PTK2: variants seen among roughly 807,000 people sequenced by gnomAD.
The protein encoded by PTK2 is protein tyrosine kinase 2.
A neutral mutation model predicts 150.1 loss-of-function variants in PTK2; 45 were observed. The observed-to-expected ratio is 0.30, with a 90% confidence interval of 0.24 to 0.38. The LOEUF is 0.38. PTK2 is among the 10% of genes least tolerant of loss of function. The pLI, the probability that PTK2 is intolerant of heterozygous loss-of-function variation, is 1.00. For synonymous variants in PTK2, 432 were observed against 449.2 expected (o/e 0.96, Z 0.48); for missense variants, 919 against 1,307.3 (o/e 0.70, Z 4.58).
At chr8:140,958,027 CTAA>C (rs1461414503) in intron 1 of PTK2, among the ~76,000 whole-genome samples, 43 of 152,224 alleles carry the variant, frequency 2.8e-4, no homozygotes, top group Non-Finnish European at 6.3e-4. Context: ...GTCCATCCTG[CTAA>C]TGAGTTAACT....
chr8:140,679,023 T>TG (rs2100015583), intron 27 of PTK2, among the ~76,000 whole-genome samples: 1 of 59,034 alleles, frequency 1.7e-5, no homozygotes, highest in African/African-American at 5.9e-5. Context: ...TTTTTTTTTT[T>TG]TTTTTTTTTT....
chr8:140,807,969 T>C (rs180901066), intron 10 of PTK2, among the ~76,000 whole-genome samples: 1 of 152,096 alleles, frequency 6.6e-6, no homozygotes, highest in East Asian at 1.9e-4. Context: ...GGTAGTGTAA[T>C]GGTAGTAGGC....
At chr8:140,792,160 T>C (rs2100088876) in intron 13 of PTK2, among the ~76,000 whole-genome samples, 1 of 152,216 alleles carries the variant, frequency 6.6e-6, no homozygotes, top group Non-Finnish European at 1.5e-5. Flanking sequence ...TTCGCAGAGT[T>C]GCCACCATCC....
At chr8:140,990,105 A>G (rs1480415071) in intron 1 of PTK2, among the ~76,000 whole-genome samples, 1 of 152,184 alleles carries the variant, frequency 6.6e-6, no homozygotes, top group African/African-American at 2.4e-5. Flanking sequence ...GACAAGTAAC[A>G]GAAGAATCAC....
chr8:140,927,975 A>AAAAAAAAATATAT, intron 1 of PTK2, among the ~76,000 whole-genome samples: 3 of 48,190 alleles, frequency 6.2e-5, no homozygotes, highest in African/African-American at 9.8e-5. Context: ...AAAAAAAAAA[A>AAAAAAAAATATAT]ATATATATAT....
chr8:140,759,084 C>T (rs535957076), intron 16 of PTK2, among the ~76,000 whole-genome samples: 20 of 152,246 alleles, frequency 1.3e-4, no homozygotes, highest in South Asian at 6.2e-4. Flanking sequence ...TACCGTGTAA[C>T]GTTTGCACGA....
At chr8:140,666,792 GGGTCTCAAAAA>G (rs1487111825) in intron 30 of PTK2, among the ~76,000 whole-genome samples, 3 of 152,172 alleles carry the variant, frequency 2.0e-5, no homozygotes, top group African/African-American at 4.8e-5. Context: ...AGTGAAAGCA[GGGTCTCAAAAA>G]GATATTTGTA....
At chr8:140,819,742 G>A (rs183911052) in intron 8 of PTK2, among the ~76,000 whole-genome samples, 1 of 152,340 alleles carries the variant, frequency 6.6e-6, no homozygotes, top group Admixed American at 6.5e-5. Flanking sequence ...TGAGCACACA[G>A]CAATGTACCC....
intron 1 of PTK2, among the ~76,000 whole-genome samples, chr8:140,945,659 T>A (rs2100177449): frequency 6.6e-6 from 1 of 152,144 alleles, no homozygotes; most frequent in Admixed American, 6.5e-5. Flanking sequence ...CCATTTAAAC[T>A]TTTTTAAAGC....
At chr8:140,878,913 G>A (rs971175127) in intron 4 of PTK2, among the ~76,000 whole-genome samples, 5 of 151,084 alleles carry the variant, frequency 3.3e-5, no homozygotes, top group African/African-American at 1.2e-4. Context: ...CTTTTAATTT[G>A]CCCTGAAATA....
At chr8:140,755,654 C>A (rs2100065238) in intron 16 of PTK2, among the ~76,000 whole-genome samples, 1 of 152,126 alleles carries the variant, frequency 6.6e-6, no homozygotes, top group Non-Finnish European at 1.5e-5. Context: ...TTCTCAGACC[C>A]TCTTGGGATT....
chr8:140,761,017 A>G (rs2100069128), intron 16 of PTK2, 148 bp downstream of exon 19: 1 of 589,318 alleles, frequency 1.7e-6, no homozygotes, highest in South Asian at 2.4e-5. Context: ...TACGCCAAGT[A>G]TAAGCTGACA....
chr8:140,758,396 T>C (rs564642633), intron 16 of PTK2, among the ~76,000 whole-genome samples: 7 of 152,220 alleles, frequency 4.6e-5, no homozygotes, highest in East Asian at 1.9e-4. Context: ...CCCTTCTACT[T>C]ATAAAACAAA....
chr8:140,691,495 C>G (rs2100023202), intron 26 of PTK2, among the ~76,000 whole-genome samples: 1 of 152,114 alleles, frequency 6.6e-6, no homozygotes, highest in African/African-American at 2.4e-5. Flanking sequence ...TGCTCCTCTC[C>G]TCCTCCCTTT....
chr8:140,721,581 A>G (rs1398496530), intron 22 of PTK2: 1 of 152,038 alleles, frequency 6.6e-6, no homozygotes, highest in Non-Finnish European at 1.5e-5. Flanking sequence ...GAGCTAGGGC[A>G]TGTGCACACA....
At chr8:140,856,610 C>T (rs2100132810) in intron 5 of PTK2, among the ~76,000 whole-genome samples, 1 of 152,076 alleles carries the variant, frequency 6.6e-6, no homozygotes, top group Non-Finnish European at 1.5e-5. Flanking sequence ...GCAATGGTTG[C>T]TTGGGGCAAT....
chr8:140,964,499 T>G (rs1015511359), intron 1 of PTK2, among the ~76,000 whole-genome samples: 2 of 148,652 alleles, frequency 1.3e-5, no homozygotes, highest in African/African-American at 5.0e-5. Flanking sequence ...TACATCGGTC[T>G]CCCAAGTAGT....
At chr8:140,832,522 C>T (rs1330867381) in intron 7 of PTK2, among the ~76,000 whole-genome samples, 2 of 152,120 alleles carry the variant, frequency 1.3e-5, no homozygotes, top group Admixed American at 6.5e-5. Context: ...GTGAAGGGGG[C>T]AGTTTCTGTT....
At chr8:140,782,254 T>TTTTTG (rs567880304) in intron 14 of PTK2, among the ~76,000 whole-genome samples, 5 of 138,088 alleles carry the variant, frequency 3.6e-5, no homozygotes, top group African/African-American at 1.4e-4. Flanking sequence ...TTTTTTTTTT[T>TTTTTG]GGGGGGGGGG....
Sources: allele counts gnomAD v4.1 joint callset (sites outside exome capture counted in the v4.1 genomes callset), GRCh38; gene constraint gnomAD v4.1.1; transcripts MANE v1.5; gene names NCBI Gene and HGNC (gene_info 2026-07-23, HGNC 2026-07-21).